The following CCDC30 variants were observed in gnomAD, a reference collection of about 807,000 sequenced individuals.
The protein encoded by CCDC30 is coiled-coil domain-containing protein 30.
A neutral mutation model predicts 100.2 loss-of-function variants in CCDC30; 70 were observed. The observed-to-expected ratio is 0.70, with a 90% CI of 0.58 to 0.85. The LOEUF is 0.85. Among genes scored for constraint, CCDC30 ranks in the 40% least tolerant of loss-of-function variants. The probability of loss-of-function intolerance (pLI) is 0.00; values close to 1 mark genes in which losing one functional copy is unlikely to be tolerated. For synonymous variants in CCDC30, 233 were observed against 269.5 expected (o/e 0.86, Z 1.33); for missense variants, 652 against 771.2 (o/e 0.85, Z 1.83).
chr1:42,618,472 G>A (rs1283526545), intron 11 of CCDC30, among the ~76,000 whole-genome samples: 2 of 152,116 alleles, frequency 1.3e-5, no homozygotes, highest in Non-Finnish European at 2.9e-5. Context: ...CCGACCTCAG[G>A]TGATCCACCT....
intron 10 of CCDC30, among the ~76,000 whole-genome samples, chr1:42,600,128 G>A (rs1646373363): frequency 6.6e-6 from 1 of 152,058 alleles, no homozygotes; most frequent in Admixed American, 6.5e-5. Flanking sequence ...CAACACTCGG[G>A]ATCACAATTC....
At chr1:42,506,459 A>G (rs535700060) in intron 6 of CCDC30, among the ~76,000 whole-genome samples, 84 of 152,368 alleles carry the variant, frequency 5.5e-4, no homozygotes, top group Non-Finnish European at 1.0e-3. Context: ...ACGACTGACA[A>G]AGAGATTTGG....
the CCDC30 span, chr1:42,456,393 C>T: frequency 2.6e-6 from 2 of 760,040 alleles, no homozygotes; most frequent in Non-Finnish European, 4.1e-6. Flanking sequence ...TTTCGCTGGG[C>T]TCTGGGGCAG....
intron 10 of CCDC30, among the ~76,000 whole-genome samples, chr1:42,609,756 T>G (rs926204923): frequency 6.6e-6 from 1 of 152,054 alleles, no homozygotes; most frequent in African/African-American, 2.4e-5. Flanking sequence ...GTAAGTGCCT[T>G]GGGTGAAATC....
chr1:42,522,993 C>T (rs112980788), intron 6 of CCDC30, among the ~76,000 whole-genome samples: 3,136 of 152,134 alleles, frequency 0.021, 121 homozygotes, highest in African/African-American at 0.071. Context: ...CTACACCTGG[C>T]TAATTTTTGT....
At chr1:42,559,874 C>T (rs934420521) in intron 6 of CCDC30, among the ~76,000 whole-genome samples, 7 of 152,054 alleles carry the variant, frequency 4.6e-5, no homozygotes, top group African/African-American at 1.7e-4. Context: ...ATTCTAAAAT[C>T]GACCACATAA....
chr1:42,504,212 TG>T (rs766224900), intron 6 of CCDC30, among the ~76,000 whole-genome samples: 20 of 152,376 alleles, frequency 1.3e-4, no homozygotes, highest in Admixed American at 2.6e-4. Flanking sequence ...TTTTCCGCCC[TG>T]GGTGGGCCAA....
rs112952144 is a variant in CCDC30, at chr1:42,506,788, A to C, written c.456+7872A>C. On this transcript the variant is annotated intron_variant, in intron 6 of 16. Coordinates refer to ENST00000668663, the Ensembl canonical transcript of CCDC30. ...ATATGTTAGAGGTTTAAAACACTTG[A>C]TATTATGAAATGGAAGTCTAGATTA... Among the ~76,000 whole-genome samples the C allele has an allele frequency of 1.2e-4, 19 of 152,348 alleles. 1 individual carries two copies. Among genetic ancestry groups the C allele is most frequent in the African/African-American group, 2.9e-4 (12 of 41,576 alleles).
At chr1:42,495,127 C>A (rs1442826310) in intron 4 of CCDC30, among the ~76,000 whole-genome samples, 6 of 149,602 alleles carry the variant, frequency 4.0e-5, no homozygotes, top group Non-Finnish European at 8.9e-5. Flanking sequence ...CAATGATAGA[C>A]TGGATTAAGA....
At chr1:42,645,452 C>A (rs952156043) in intron 14 of CCDC30, among the ~76,000 whole-genome samples, 4 of 151,992 alleles carry the variant, frequency 2.6e-5, no homozygotes, top group African/African-American at 9.7e-5. Flanking sequence ...GGTCCATAGT[C>A]TGTCTGGTAA....
At chr1:42,595,217 C>G (rs1343533858) in intron 10 of CCDC30, 5 of 152,096 alleles carry the variant, frequency 3.3e-5, no homozygotes, top group Non-Finnish European at 5.9e-5. Flanking sequence ...GGTAAGTCCA[C>G]AAATGGTGGT....
intron 11 of CCDC30, among the ~76,000 whole-genome samples, chr1:42,634,022 T>C (rs576076082): frequency 4.6e-5 from 7 of 152,014 alleles, no homozygotes; most frequent in Admixed American, 1.3e-4. Flanking sequence ...TCACTGTCAA[T>C]AGAACAGTAT....
intron 11 of CCDC30, among the ~76,000 whole-genome samples, chr1:42,612,061 T>C (rs771262386): frequency 7.2e-5 from 11 of 152,216 alleles, no homozygotes; most frequent in Non-Finnish European, 1.5e-4. Flanking sequence ...CCTAGTGTCT[T>C]GTCAATAAAC....
intron 6 of CCDC30, among the ~76,000 whole-genome samples, chr1:42,507,111 G>A (rs1644406478): frequency 6.6e-6 from 1 of 152,118 alleles, no homozygotes. Context: ...ATTTTTAGTA[G>A]AGACGGGGTT....
At chr1:42,489,992 T>G (rs1360298036) in intron 3 of CCDC30, 166 bp from the exon 4 acceptor site, 2 of 323,608 alleles carry the variant, frequency 6.2e-6, no homozygotes, top group African/African-American at 4.3e-5. Context: ...GTAGGAACTC[T>G]AAGAGAGAAG....
intron 1 of CCDC30, among the ~76,000 whole-genome samples, chr1:42,470,613 G>A (rs989103038): frequency 2.6e-5 from 4 of 152,124 alleles, no homozygotes; most frequent in African/African-American, 9.7e-5. Flanking sequence ...ACATACAATG[G>A]AATATTATTC....
chr1:42,499,053 T>A, intron 6 of CCDC30, 137 bp downstream of exon 6: 1 of 419,004 alleles, frequency 2.4e-6, no homozygotes, highest in East Asian at 3.6e-5. Context: ...CTCAGCTAAT[T>A]AGAGTGGAAG....
intron 4 of CCDC30, chr1:42,491,740 T>C (rs927095296): frequency 7.6e-6 from 2 of 263,148 alleles, no homozygotes; most frequent in South Asian, 4.8e-5. Context: ...AGCAGCACCA[T>C]GGCTGTTGGC....
chr1:42,545,161 T>TAAAAAAA (rs1557841265), intron 6 of CCDC30, among the ~76,000 whole-genome samples: 1 of 64,934 alleles, frequency 1.5e-5, no homozygotes, highest in Non-Finnish European at 3.2e-5. Flanking sequence ...AAAAATACCT[T>TAAAAAAA]TAAAAAAAAA....
Sources: gnomAD v4.1 joint callset for allele counts (sites outside exome capture counted in the v4.1 genomes callset) on GRCh38, gnomAD v4.1.1 for gene constraint, MANE v1.5 for transcripts, NCBI Gene and HGNC (gene_info 2026-07-23, HGNC 2026-07-21) for gene names.